IL12RB2: variants seen among roughly 807,000 people sequenced by gnomAD.
The protein encoded by IL12RB2 is interleukin-12 receptor subunit beta-2.
In IL12RB2, 82 loss-of-function variants were observed where a neutral mutation model predicts 89.4. The ratio of observed to expected loss-of-function variants is 0.92; its 90% CI spans 0.77 to 1.10. The LOEUF (loss-of-function observed/expected upper bound fraction) is 1.10. IL12RB2 is among the 50% of genes least tolerant of loss of function. The pLI is 0.00. For missense variants in IL12RB2, 963 were observed against 1,031.9 expected (o/e 0.93, Z 0.92); for synonymous variants, 368 against 370.1 (o/e 0.99, Z 0.07).
intron 11 of IL12RB2, among the ~76,000 whole-genome samples, chr1:67,369,500 T>C (rs937784838): frequency 6.6e-6 from 1 of 152,238 alleles, no homozygotes; most frequent in African/African-American, 2.4e-5. Context: ...GTGTTCCCTG[T>C]CCCTAGAGTT....
At chr1:67,390,247 T>C in intron 16 of IL12RB2, 119 bp downstream of exon 16, 1 of 696,254 alleles carries the variant, frequency 1.4e-6, no homozygotes, top group East Asian at 2.8e-5. Context: ...GCTTAAGTTA[T>C]TCACGCTTGG....
chr1:67,357,822 T>C (rs1661563503), intron 10 of IL12RB2, among the ~76,000 whole-genome samples: 1 of 152,090 alleles, frequency 6.6e-6, no homozygotes, highest in African/African-American at 2.4e-5. Context: ...AGGGGTGAAA[T>C]TCTTCCATAA....
chr1:67,382,708 A>ATTTTTT (rs10693344), intron 14 of IL12RB2, among the ~76,000 whole-genome samples: 2 of 134,862 alleles, frequency 1.5e-5, no homozygotes, highest in African/African-American at 2.8e-5. Context: ...CCAACTCTAC[A>ATTTTTT]TTTTTTTTTT....
At chr1:67,390,215 G>T in intron 16 of IL12RB2, 87 bp downstream of exon 16, 1 of 780,932 alleles carries the variant, frequency 1.3e-6, no homozygotes, top group East Asian at 2.6e-5. Flanking sequence ...AGGAAGCCTG[G>T]GTGCTGAGAT....
At chr1:67,390,379 T>C (rs17129973) in intron 16 of IL12RB2, among the ~76,000 whole-genome samples, 39 of 151,624 alleles carry the variant, frequency 2.6e-4, no homozygotes, top group Middle Eastern at 3.4e-3. Context: ...TCAGTATGCC[T>C]CACTTTCCCC....
rs758723308 is a variant in IL12RB2 at position 67,350,296 on chromosome 1, TGTTA to T, written c.1039-569_1039-566del. ...TTGGAATTTTTGCAGTTCCAAAAGT[TGTTA>T]GTTACACGTTTATGAACAGTGTCTT... On this transcript the variant is annotated intron_variant, in intron 9 of 16. Transcript: ENST00000674203. Among the ~76,000 whole-genome samples the T allele has an allele frequency of 9.2e-5, 14 of 152,384 alleles. 1 individual carries two copies. In the East Asian group the frequency reaches 2.5e-3, roughly 27 times the overall value.
rs112000343 is a variant in IL12RB2 at position 67,377,069 on chromosome 1, T to C, written c.1718-2917T>C. On this transcript the variant is annotated intron_variant, in intron 13 of 16. Transcript: ENST00000674203. ...TTCTGTGATAGTCATGGTGAATAAA[T>C]TATCTGCATGGGCCTCAACCCCTTT... Among the ~76,000 whole-genome samples, 713 of 152,320 alleles carry C rather than the reference T, an allele frequency of 4.7e-3. 9 individuals are homozygous for C. Among genetic ancestry groups the C allele is most frequent in the African/African-American group, 0.016 (680 of 41,568 alleles).
Position 67,396,849 on chromosome 1 carries a change from C to T in IL12RB2, c.*760C>T. The T allele has an allele frequency of 6.6e-6, 1 of 152,416 alleles. No individual in the cohort carries two copies. Among genetic ancestry groups the T allele is most frequent in the South Asian group, 2.1e-4 (1 of 4,836 alleles). 9.4% of individuals were successfully genotyped at this position (152,416 alleles called of 1,614,324 possible). A position where few individuals can be genotyped will look rare whatever the true frequency, so the allele number is the denominator to read the frequency against. On this transcript the variant is annotated 3_prime_UTR_variant, in exon 17 of 17. Transcript: ENST00000674203. ...CAGAAGTCTAAGAATGTACCTTTTT[C>T]TGGCCGGGCGTGGTAGCTCATGCCT... is the stretch of plus-strand genomic sequence containing the variant.
intron 1 of IL12RB2, among the ~76,000 whole-genome samples, chr1:67,313,060 T>C (rs1241133549): frequency 6.6e-6 from 1 of 152,262 alleles, no homozygotes; most frequent in African/African-American, 2.4e-5. Flanking sequence ...CTTTTGCCCA[T>C]GTAATGGCTT....
At chr1:67,382,491 T>C (rs1445463088) in intron 14 of IL12RB2, among the ~76,000 whole-genome samples, 1 of 152,062 alleles carries the variant, frequency 6.6e-6, no homozygotes, top group Non-Finnish European at 1.5e-5. Flanking sequence ...CAAAACTCCA[T>C]ACTTGCCAGG....
chr1:67,372,078 C>CTG (rs10674846), intron 11 of IL12RB2, among the ~76,000 whole-genome samples: 70,807 of 143,898 alleles, frequency 0.49, 18,317 homozygotes, highest in Non-Finnish European at 0.58. Context: ...GTGTGTGTGT[C>CTG]TGTGTGTGTG....
chr1:67,386,718 G>T (rs966271021), intron 15 of IL12RB2, 49 bp downstream of exon 15: 2 of 1,183,114 alleles, frequency 1.7e-6, no homozygotes, highest in Non-Finnish European at 2.5e-6. Flanking sequence ...TTTAAAAAAT[G>T]ATAATAGCTG....
At chr1:67,388,875 T>TA (rs1347336703) in intron 15 of IL12RB2, among the ~76,000 whole-genome samples, 2 of 152,206 alleles carry the variant, frequency 1.3e-5, no homozygotes, top group Non-Finnish European at 2.9e-5. Flanking sequence ...CCATTGAACT[T>TA]GTCTAACAGG....
intron 15 of IL12RB2, among the ~76,000 whole-genome samples, chr1:67,389,333 CT>C (rs201744335): frequency 3.1e-4 from 32 of 103,844 alleles, no homozygotes; most frequent in South Asian, 2.6e-3. Context: ...GTAAAGCATA[CT>C]TTTAAAAAAA....
intron 6 of IL12RB2, 62 bp from the exon 7 acceptor site, chr1:67,329,525 A>G (rs1260946256): frequency 2.1e-6 from 2 of 972,058 alleles, no homozygotes; most frequent in African/African-American, 1.6e-5. Context: ...TCATGCCAGT[A>G]CATAAGACAA....
intron 16 of IL12RB2, among the ~76,000 whole-genome samples, chr1:67,391,686 G>A (rs1310803275): frequency 3.3e-5 from 5 of 151,440 alleles, no homozygotes; most frequent in Admixed American, 3.3e-4. Flanking sequence ...GCCCAGGCTG[G>A]AGTGCAGTGG....
At chr1:67,380,159 G>A (rs1664424933) in intron 14 of IL12RB2, 36 bp downstream of exon 14, 2 of 1,609,998 alleles carry the variant, frequency 1.2e-6, no homozygotes, top group Non-Finnish European at 1.7e-6. Flanking sequence ...AGTCCACCCT[G>A]GATTCTTGCA....
At position 67,330,803 on chromosome 1, in the gene IL12RB2, A is replaced by G. The variant is rs1235365760; in HGVS notation, c.951A>G (p.Pro317=). The part of the protein sequence containing the change: ...DWSESLRAQT[P]EEEPTGMLDV... The stretch of plus-strand genomic sequence containing the variant: ...GTGAATCATTGAGAGCACAAACACC[A>G]GAAGAAGGTATATGTCCAAAATATA... Residue 317 remains proline, a synonymous_variant, in exon 8 of 17, where the codon CCA becomes CCG. Transcript: ENST00000674203. 6.4e-7 allele frequency: 1 copy of G among 1,559,310 alleles called. No homozygotes were observed. The highest frequency in any genetic ancestry group is 1.7e-5 in the Admixed American group (1 of 59,948).
chr1:67,319,210 T>C (rs1167274243), intron 2 of IL12RB2, among the ~76,000 whole-genome samples: 2 of 152,230 alleles, frequency 1.3e-5, no homozygotes, highest in African/African-American at 4.8e-5. Flanking sequence ...TGCTTTGCAC[T>C]GACTACTTTT....
Sources: gnomAD v4.1 joint callset for allele counts (sites outside exome capture counted in the v4.1 genomes callset) on GRCh38, gnomAD v4.1.1 for gene constraint, MANE v1.5 for transcripts, NCBI Gene and HGNC (gene_info 2026-07-23, HGNC 2026-07-21) for gene names.